Variants in EXO1 observed in about 807,000 individuals in gnomAD.
The protein encoded by EXO1 is exonuclease 1.
Under a neutral mutation model 84.5 loss-of-function variants are expected in EXO1, and 69 were observed. That is an observed-to-expected ratio of 0.82 (90% CI 0.67 to 1.00). EXO1 has a LOEUF of 1.00. Ranked by LOEUF, EXO1 falls within the 50% of genes least tolerant of loss-of-function variation. The pLI is 0.00. For synonymous variants in EXO1, 373 were observed against 366.1 expected, an observed-to-expected ratio of 1.02 and a Z score of -0.21; for missense variants, 1,045 against 1,000.7, an observed-to-expected ratio of 1.04 and a Z score of -0.60.
chr1:241,881,710 T>C (rs1662766721), intron 13 of EXO1, among the ~76,000 whole-genome samples: 1 of 152,190 alleles, frequency 6.6e-6, no homozygotes, highest in South Asian at 2.1e-4. Flanking sequence ...AGATATTTTA[T>C]ATAATTTACC....
intron 8 of EXO1, among the ~76,000 whole-genome samples, chr1:241,859,836 T>G (rs1406830935): frequency 1.3e-5 from 2 of 152,248 alleles, no homozygotes; most frequent in Non-Finnish European, 2.9e-5. Flanking sequence ...CCCTTGGATA[T>G]TCTCTAAACC....
At chr1:241,853,320 T>C (rs1010356491) in intron 5 of EXO1, 38 bp from the exon 6 acceptor site, 14 of 1,609,658 alleles carry the variant, frequency 8.7e-6, no homozygotes, top group Non-Finnish European at 1.1e-5. Context: ...GTCAGCCTCT[T>C]AAATGTTTTA....
chr1:241,865,105 A>G (rs1661634303), intron 10 of EXO1, among the ~76,000 whole-genome samples: 1 of 151,190 alleles, frequency 6.6e-6, no homozygotes, highest in Non-Finnish European at 1.5e-5. Context: ...CCTGGCCTGA[A>G]GCAGTCATTC....
Position 241,872,045 on chromosome 1 carries a change from A to G in EXO1, c.1281A>G (p.Glu427=). The change falls in exon 12 of 16, where the codon GAA becomes GAG. Residue 427 remains glutamate (E), a synonymous_variant. Coordinates refer to ENST00000366548, the MANE Select transcript of EXO1 (RefSeq NM_130398.4). ...GTTTTTATTTAGCAGAGCTGTCAGA[A>G]GATGACCTGTTGAGTCAGTATTCTC... ...VKRPRSAELS[E]DDLLSQYSLS... 1 of 1,613,368 alleles carries G rather than the reference A, an allele frequency of 6.2e-7. No homozygotes were observed.
intron 12 of EXO1, among the ~76,000 whole-genome samples, chr1:241,874,167 A>C (rs879619283): frequency 3.3e-5 from 5 of 152,186 alleles, no homozygotes; most frequent in African/African-American, 4.8e-5. Flanking sequence ...TGGGAGGCCA[A>C]GTGGGTGGAT....
intron 12 of EXO1, among the ~76,000 whole-genome samples, chr1:241,875,744 G>T (rs1662363368): frequency 6.6e-6 from 1 of 152,196 alleles, no homozygotes; most frequent in Non-Finnish European, 1.5e-5. Context: ...CGGGCGTGGT[G>T]GCGGGCGCTA....
At chr1:241,854,235 T>C (rs1188630122) in intron 6 of EXO1, among the ~76,000 whole-genome samples, 1 of 152,190 alleles carries the variant, frequency 6.6e-6, no homozygotes, top group African/African-American at 2.4e-5. Context: ...CCTCCCGGGT[T>C]AAAGCGATTC....
rs1425606387 is a variant in EXO1, at chr1:241,852,408, G to A, written c.278G>A (p.Arg93Lys). 1.3e-6 allele frequency: 2 copies of A among 1,597,360 alleles called. No individual in the cohort carries two copies. Among genetic ancestry groups the A allele is most frequent in the African/African-American group, 1.3e-5 (1 of 74,566 alleles). ...AAAAAGGAAGTAGAGAGATCTAGAA[G>A]AGAGTAAGTTAATTCTCTACTTAAT... ...PSKKEVERSRRERRQANLLKG... is the reference protein window; with the variant it reads ...PSKKEVERSRKERRQANLLKG... Residue 93 changes from arginine (R) to lysine (K), a missense_variant, in exon 5 of 16, where the codon AGA becomes AAA. By Grantham distance (26) the Arg-to-Lys change is conservative. Transcript: ENST00000366548.
In EXO1 at chr1:241,861,440, C is replaced by G. The variant is rs1257025988; in HGVS notation, c.979C>G (p.Leu327Val). The G allele has an allele frequency of 6.3e-7, 1 of 1,584,648 alleles. No homozygotes were observed. Among genetic ancestry groups the G allele is most frequent in the African/African-American group, 1.3e-5 (1 of 74,308 alleles). The change falls in exon 10 of 16, where the codon CTT (leucine) becomes GTT (valine). Residue 327 changes from leucine to valine, a missense_variant. Transcript: ENST00000366548. The part of the protein sequence containing the change: ...VDDSIALQIA[L>V]GNKDINTFEQ... ...TGATTCCATAGCTCTTCAAATAGCA[C>G]TTGGAAATAAAGATATAAATACTTT... is the stretch of plus-strand genomic sequence containing the variant.
At chr1:241,874,097 C>T (rs1042359591) in intron 12 of EXO1, among the ~76,000 whole-genome samples, 6 of 152,040 alleles carry the variant, frequency 3.9e-5, no homozygotes, top group South Asian at 4.2e-4. Context: ...TCTTTAGAGG[C>T]GATAGAAACA....
upstream of EXO1, chr1:241,848,104 T>C (rs1776179): frequency 0.68 from 103,337 of 152,196 alleles, 35,348 homozygotes; most frequent in East Asian, 0.85. The surrounding 1 kb of genome is among the most constrained non-coding windows in gnomAD (Gnocchi z 4.2). Flanking sequence ...CGCAACCCTA[T>C]GAGTTGGAAG....
In EXO1 at chr1:241,853,227, T is replaced by C. The variant is rs976621945; in HGVS notation, c.282-131T>C. The C allele has an allele frequency of 5.8e-6, 5 of 863,202 alleles. No homozygotes were observed. The African/African-American group carries it at 8.4e-5, about 14-fold the overall frequency. The allele number at this position is 863,202 out of a possible 1,614,324, so 53.5% of individuals were successfully genotyped here. On this transcript the variant is annotated intron_variant, in intron 5 of 15. Transcript: ENST00000366548. ...ATCTGGGTTAATGTTCTCAAGGGCC[T>C]GGTGTGTACTTTCTAATGAGTCAAA...
At chr1:241,855,285 C>T (rs116656650) in intron 6 of EXO1, among the ~76,000 whole-genome samples, 12,166 of 152,132 alleles carry the variant, frequency 0.08, 723 homozygotes, top group Admixed American at 0.19. Flanking sequence ...CTGTCCCCAT[C>T]AGATTAGTTA....
At chr1:241,874,270 G>T (rs1440614984) in intron 12 of EXO1, among the ~76,000 whole-genome samples, 3 of 152,170 alleles carry the variant, frequency 2.0e-5, no homozygotes, top group Non-Finnish European at 4.4e-5. Context: ...ATGGTGGTGT[G>T]CACCTGTAGT....
intron 14 of EXO1, among the ~76,000 whole-genome samples, chr1:241,882,250 GAC>G (rs1323032763): frequency 1.3e-5 from 2 of 152,066 alleles, no homozygotes; most frequent in Admixed American, 1.3e-4. Flanking sequence ...TTAATGTAAT[GAC>G]TTTATAATAT....
chr1:241,884,387 T>G (rs1482523456), intron 14 of EXO1, among the ~76,000 whole-genome samples: 2 of 152,216 alleles, frequency 1.3e-5, no homozygotes, highest in South Asian at 4.1e-4. Flanking sequence ...CTTACTATCT[T>G]AAGAAACAAT....
At chr1:241,867,637 A>G (rs80060566) in intron 11 of EXO1, among the ~76,000 whole-genome samples, 12 of 151,920 alleles carry the variant, frequency 7.9e-5, no homozygotes, top group Non-Finnish European at 1.5e-5. Context: ...AATCTTGTAT[A>G]TATGGCTGTC....
intron 15 of EXO1, among the ~76,000 whole-genome samples, chr1:241,887,335 C>T (rs1011267533): frequency 3.9e-5 from 6 of 152,270 alleles, no homozygotes; most frequent in African/African-American, 1.4e-4. Flanking sequence ...GTGTGAGCCA[C>T]CTTGCCTGGC....
chr1:241,875,521 G>C (rs1662340027), intron 12 of EXO1, among the ~76,000 whole-genome samples: 1 of 152,140 alleles, frequency 6.6e-6, no homozygotes, highest in African/African-American at 2.4e-5. Flanking sequence ...CCTTGTTAAA[G>C]GTGCTTGTTA....
Sources: allele counts gnomAD v4.1 joint callset (sites outside exome capture counted in the v4.1 genomes callset), GRCh38; gene constraint gnomAD v4.1.1; non-coding constraint Gnocchi (gnomAD v3.1); transcripts MANE v1.5; gene names NCBI Gene and HGNC (gene_info 2026-07-23, HGNC 2026-07-21).